KDM4C: variants seen among roughly 807,000 people sequenced by gnomAD.
KDM4C encodes lysine-specific demethylase 4C.
A neutral mutation model predicts 129.3 loss-of-function variants in KDM4C; 81 were observed. The observed-to-expected ratio is 0.63, with a 90% CI of 0.52 to 0.75. The LOEUF is 0.75. Ranked by LOEUF, KDM4C falls within the 30% of genes least tolerant of loss-of-function variation. KDM4C has a pLI of 0.00. For synonymous variants in KDM4C, 573 were observed against 456.1 expected, an observed-to-expected ratio of 1.26 and a Z score of -3.26; for missense variants, 1,457 against 1,304.0, an observed-to-expected ratio of 1.12 and a Z score of -1.81.
rs35060245 is a variant in KDM4C at position 6,832,724 on chromosome 9, C to CTTT, written c.436-16768_436-16766dup. 2.3e-3 allele frequency among the ~76,000 whole-genome samples: 270 copies of CTTT among 119,510 alleles called. 2 individuals carry two copies. Among genetic ancestry groups the CTTT allele is most frequent in the African/African-American group, 8.2e-3 (251 of 30,556 alleles). The allele number at this position is 119,510 out of a possible 152,430, so 78.4% of individuals were successfully genotyped here. A position where few individuals can be genotyped will look rare whatever the true frequency, so the allele number is the denominator to read the frequency against. On this transcript the variant is annotated intron_variant, in intron 4 of 21. Transcript: ENST00000381309. Reference sequence around the variant, plus strand: ...ATAGGCGTGAGCCACTGTGCCCGGCCTTTTTTTTTTTTTTTTTACGGAGAT... The same window carrying CTTT: ...ATAGGCGTGAGCCACTGTGCCCGGCCTTTTTTTTTTTTTTTTTTTTACGGAGAT...
chr9:6,927,389 C>G (rs1822828698), intron 8 of KDM4C, among the ~76,000 whole-genome samples: 1 of 152,192 alleles, frequency 6.6e-6, no homozygotes, highest in Non-Finnish European at 1.5e-5. Flanking sequence ...CTTGGCTTCC[C>G]AAAGTGCTGG....
chr9:6,805,096 TCAC>T (rs1829722769), intron 2 of KDM4C, among the ~76,000 whole-genome samples: 2 of 152,248 alleles, frequency 1.3e-5, no homozygotes, highest in South Asian at 4.2e-4. Context: ...AGGCGGGGTT[TCAC>T]CATGTTATCC....
intron 5 of KDM4C, among the ~76,000 whole-genome samples, chr9:6,852,916 C>T (rs965962102): frequency 6.6e-6 from 1 of 152,130 alleles, no homozygotes; most frequent in African/African-American, 2.4e-5. Context: ...CATCTTACAA[C>T]TGGTTGTGGC....
intron 18 of KDM4C, 147 bp downstream of exon 18, chr9:7,104,017 T>G (rs1837403819): frequency 1.4e-6 from 1 of 699,982 alleles, no homozygotes; most frequent in Non-Finnish European, 2.4e-6. Context: ...GGGCAGGGAT[T>G]GCGCACTGTT....
intron 8 of KDM4C, among the ~76,000 whole-genome samples, chr9:6,961,895 G>C (rs1478324163): frequency 3.3e-5 from 5 of 152,150 alleles, no homozygotes; most frequent in African/African-American, 1.2e-4. Flanking sequence ...TGTTGTGAAT[G>C]CAGTTTCTGT....
rs1413325764 is a variant in KDM4C at position 6,969,420 on chromosome 9, T to TA, written c.922-11504dup. On this transcript the variant is annotated intron_variant, in intron 8 of 21. Transcript: ENST00000381309. ...CACATTAAGAACATAGGGTTTTTTT[T>TA]ATCTGCTGATAGGCTTGATATTCCA... is the stretch of plus-strand genomic sequence containing the variant. Among the ~76,000 whole-genome samples the TA allele has an allele frequency of 2.6e-5, 4 of 152,316 alleles. No individual in the cohort carries two copies. The South Asian group carries it at 8.3e-4, about 32-fold the overall frequency.
intron 19 of KDM4C, among the ~76,000 whole-genome samples, chr9:7,151,187 A>G (rs1587885598): frequency 6.6e-6 from 1 of 152,308 alleles, no homozygotes; most frequent in East Asian, 1.9e-4. Context: ...GCCTTCAGGA[A>G]TTCACCAAAT....
rs1475928468 is a variant in KDM4C at position 6,887,732 on chromosome 9, CT to C, written c.680-226del. 3.9e-5 allele frequency among the ~76,000 whole-genome samples: 6 copies of C among 152,208 alleles called. No individual in the cohort carries two copies. The East Asian group carries it at 1.2e-3, about 29-fold the overall frequency. ...GTAATTTTACAGGTTACAAAAACAA[CT>C]TATGGTAAATCTGTTTGTAAAGAAG... On this transcript the variant is annotated intron_variant, in intron 6 of 21. Coordinates refer to ENST00000381309, the MANE Select transcript of KDM4C (RefSeq NM_015061.6).
At chr9:7,097,399 C>CA (rs1187513111) in intron 17 of KDM4C, among the ~76,000 whole-genome samples, 2 of 152,238 alleles carry the variant, frequency 1.3e-5, no homozygotes, top group African/African-American at 4.8e-5. Flanking sequence ...GGTTGGAACT[C>CA]ATCCAGCTGT....
chr9:7,077,105 A>G (rs554453464), intron 17 of KDM4C: 5 of 985,478 alleles, frequency 5.1e-6, no homozygotes, highest in Non-Finnish European at 6.0e-6. Flanking sequence ...TCTGGGTGAT[A>G]TATGCTATCG....
At chr9:6,848,514 G>A (rs997838919) in intron 4 of KDM4C, among the ~76,000 whole-genome samples, 1 of 151,948 alleles carries the variant, frequency 6.6e-6, no homozygotes, top group African/African-American at 2.4e-5. Context: ...CTCAAAATAC[G>A]AAACATTAGG....
chr9:6,918,225 A>G (rs113699836), intron 8 of KDM4C, among the ~76,000 whole-genome samples: 70 of 152,192 alleles, frequency 4.6e-4, no homozygotes, highest in African/African-American at 8.9e-4. Flanking sequence ...CTTTGTGTCA[A>G]TGTGTATCCA....
intron 8 of KDM4C, among the ~76,000 whole-genome samples, chr9:6,934,361 T>G (rs900826097): frequency 2.7e-5 from 4 of 150,466 alleles, no homozygotes; most frequent in African/African-American, 4.9e-5. Context: ...GTCCCTGTAG[T>G]CCCAGCTACT....
At chr9:7,161,489 C>G (rs1459471348) in intron 19 of KDM4C, among the ~76,000 whole-genome samples, 1 of 152,214 alleles carries the variant, frequency 6.6e-6, no homozygotes, top group Non-Finnish European at 1.5e-5. Context: ...AAAGAAACTT[C>G]TCTACCCCGA....
intron 9 of KDM4C, among the ~76,000 whole-genome samples, chr9:6,983,869 A>G (rs187164247): frequency 2.0e-5 from 3 of 151,264 alleles, no homozygotes; most frequent in East Asian, 1.9e-4. Context: ...CTTTATTTTT[A>G]TTTTCAGACT....
intron 1 of KDM4C, among the ~76,000 whole-genome samples, chr9:6,773,644 G>T (rs1310410759): frequency 6.6e-6 from 1 of 151,924 alleles, no homozygotes; most frequent in East Asian, 1.9e-4. Flanking sequence ...GTTAGCGCAC[G>T]CTTATAATCC....
chr9:6,834,907 C>A, intron 4 of KDM4C: 1 of 1,214,782 alleles, frequency 8.2e-7, no homozygotes, highest in Non-Finnish European at 1.2e-6. Context: ...CCACTGGTAC[C>A]GTGATGGACT....
chr9:6,751,103 A>C (rs1187536889), intron 1 of KDM4C, among the ~76,000 whole-genome samples: 1 of 152,198 alleles, frequency 6.6e-6, no homozygotes, highest in African/African-American at 2.4e-5. Flanking sequence ...TAGCTTTGGA[A>C]GTCATATCAC....
intron 15 of KDM4C, among the ~76,000 whole-genome samples, chr9:7,033,650 A>G (rs994676198): frequency 1.3e-5 from 2 of 152,204 alleles, no homozygotes; most frequent in Non-Finnish European, 2.9e-5. Context: ...TTTGCTCAAT[A>G]ACACCCCCCA....
Sources: gnomAD v4.1 joint callset for allele counts (sites outside exome capture counted in the v4.1 genomes callset) on GRCh38, gnomAD v4.1.1 for gene constraint, MANE v1.5 for transcripts, NCBI Gene and HGNC (gene_info 2026-07-23, HGNC 2026-07-21) for gene names.